The following BARHL1 variants were observed in gnomAD, a reference collection of about 807,000 sequenced individuals.
BARHL1 encodes barH-like 1 homeobox protein.
BARHL1 carries 2 observed loss-of-function variants against 20.1 expected under a neutral mutation model. The observed-to-expected ratio is 0.10, with a 90% confidence interval of 0.04 to 0.31. The LOEUF (loss-of-function observed/expected upper bound fraction) is 0.31. Ranked by LOEUF, BARHL1 falls within the 10% of genes least tolerant of loss-of-function variation. The probability of loss-of-function intolerance (pLI) is 1.00; values close to 1 mark genes in which losing one functional copy is unlikely to be tolerated. For missense variants in BARHL1, 397 were observed against 454.0 expected (o/e 0.87, Z 1.14); for synonymous variants, 213 against 209.9 (o/e 1.01, Z -0.13).
Position 132,587,457 on chromosome 9 carries a change from C to G in BARHL1, c.595C>G (p.Arg199Gly). 6.2e-7 allele frequency: 1 copy of G among 1,612,434 alleles called. No individual in the cohort carries two copies. Among genetic ancestry groups the G allele is most frequent in the Non-Finnish European group, 8.5e-7 (1 of 1,179,622 alleles). The change falls in exon 2 of 3, where the codon CGG becomes GGG. Residue 199 changes from arginine (R) to glycine (G), a missense_variant. By Grantham distance (125) the Arg-to-Gly change is moderately radical. This residue lies in a region of BARHL1 where 272 missense variants were observed against 298.7 expected (regional missense o/e 0.91). Transcript: ENST00000263610. The surrounding 1 kb of genome is among the most constrained non-coding windows in gnomAD (Gnocchi z 5.5). ...QLAQLERSFE[R>G]QKYLSVQDRM... The stretch of plus-strand genomic sequence containing the variant: ...GGCGCAGCTGGAGCGCAGCTTCGAG[C>G]GGCAGAAGTACCTGAGCGTGCAGGA...
At chr9:132,585,103 TCTC>T (rs1472052302) in intron 1 of BARHL1, among the ~76,000 whole-genome samples, 4 of 152,158 alleles carry the variant, frequency 2.6e-5, no homozygotes, top group Admixed American at 6.5e-5. Flanking sequence ...TCAATTTTCT[TCTC>T]CTGTCTCTGA....
At chr9:132,585,187 G>T (rs1830125257) in intron 1 of BARHL1, among the ~76,000 whole-genome samples, 1 of 152,194 alleles carries the variant, frequency 6.6e-6, no homozygotes, top group African/African-American at 2.4e-5. Flanking sequence ...AGCGAAGGGG[G>T]TAGAAGGTCT....
chr9:132,582,692 C>T lies in BARHL1; in HGVS notation c.-106C>T. ...CTCCGTCCAAGGTGCCCGCAGGCTC[C>T]CTGCCCGCCTTCCCCATGCCAGCCC... On this transcript the variant is annotated 5_prime_UTR_variant, in exon 1 of 3. Coordinates refer to ENST00000263610, the MANE Select transcript of BARHL1 (RefSeq NM_020064.4). The T allele has an allele frequency of 9.1e-7, 1 of 1,104,430 alleles. No individual in the cohort carries two copies. The highest frequency in any genetic ancestry group is 1.3e-6 in the Non-Finnish European group (1 of 780,076). 68.4% of individuals were successfully genotyped at this position (1,104,430 alleles called of 1,614,324 possible).
chr9:132,584,759 C>T (rs1391774543), intron 1 of BARHL1, among the ~76,000 whole-genome samples: 2 of 152,152 alleles, frequency 1.3e-5, no homozygotes, highest in Non-Finnish European at 2.9e-5. Flanking sequence ...CAGAGGCATG[C>T]GGGTGTCCCC....
rs1307433961 is a variant in BARHL1, at chr9:132,587,786, G to C, written c.689+235G>C. On this transcript the variant is annotated intron_variant, in intron 2 of 2. Coordinates refer to ENST00000263610, the MANE Select transcript of BARHL1 (RefSeq NM_020064.4). The surrounding 1 kb of genome is among the most constrained non-coding windows in gnomAD (Gnocchi z 5.5). Reference sequence around the variant, plus strand: ...CCAGCGTCCAGTCAGCCCTCCCCCGGATGGGTGGACAGACACATAGGCCAC... The same window carrying C: ...CCAGCGTCCAGTCAGCCCTCCCCCGCATGGGTGGACAGACACATAGGCCAC... 6.6e-6 allele frequency among the ~76,000 whole-genome samples: 1 copy of C among 152,204 alleles called. No homozygotes were observed. Among genetic ancestry groups the C allele is most frequent in the African/African-American group, 2.4e-5 (1 of 41,452 alleles).
rs1391477084 is a variant in BARHL1, at chr9:132,587,813, G to A, written c.689+262G>A. Among the ~76,000 whole-genome samples the A allele has an allele frequency of 6.6e-6, 1 of 152,206 alleles. No homozygotes were observed. The highest frequency in any genetic ancestry group is 2.4e-5 in the African/African-American group (1 of 41,452). ...TGGGTGGACAGACACATAGGCCACT[G>A]AAAATCCAAGTCCTGCCCCAGCTCA... On this transcript the variant is annotated intron_variant, in intron 2 of 2. Coordinates refer to ENST00000263610, the MANE Select transcript of BARHL1 (RefSeq NM_020064.4). This position sits in a 1 kb window ranked among gnomAD's most constrained non-coding sequence, Gnocchi z 5.5.
At position 132,589,477 on chromosome 9, in the gene BARHL1, G is replaced by C. The variant is rs761688225; in HGVS notation, c.939G>C (p.Leu313=). 6.7e-7 allele frequency: 1 copy of C among 1,490,950 alleles called. No individual in the cohort carries two copies. Among genetic ancestry groups the C allele is most frequent in the Non-Finnish European group, 8.9e-7 (1 of 1,124,136 alleles). 92.4% of individuals were successfully genotyped at this position (1,490,950 alleles called of 1,614,324 possible). A position where few individuals can be genotyped will look rare whatever the true frequency, so the allele number is the denominator to read the frequency against. Residue 313 remains leucine (L), a synonymous_variant, in exon 3 of 3, where the codon CTG becomes CTC. Transcript: ENST00000263610. The part of the protein sequence containing the change: ...LQGASEPPPP[L]PPLAGVLPRA... ...GCGCCAGCGAGCCGCCCCCGCCGCT[G>C]CCCCCCCTGGCCGGCGTCCTCCCAC...
intron 2 of BARHL1, among the ~76,000 whole-genome samples, chr9:132,588,866 A>C (rs306523): frequency 0.66 from 99,924 of 151,602 alleles, 34,067 homozygotes; most frequent in African/African-American, 0.85. Flanking sequence ...AGGGAGGAGC[A>C]CCCCCTACCC....
Position 132,587,302 on chromosome 9 carries a change from G to T in BARHL1, c.467-27G>T. The T allele has an allele frequency of 6.4e-7, 1 of 1,568,444 alleles. No individual in the cohort carries two copies. Among genetic ancestry groups the T allele is most frequent in the Non-Finnish European group, 8.6e-7 (1 of 1,158,544 alleles). ...GGCACCGGCGGCGGCTGCGAGGCCG[G>T]GCCCTGACATGCCGCTGTGTCCGCA... On this transcript the variant is annotated intron_variant, in intron 1 of 2. Transcript: ENST00000263610. The surrounding 1 kb of genome is among the most constrained non-coding windows in gnomAD (Gnocchi z 5.5).
chr9:132,582,883 T>C lies in BARHL1; in HGVS notation c.86T>C (p.Leu29Pro), dbSNP rs747838653. 1 of 1,613,070 alleles carries C rather than the reference T, an allele frequency of 6.2e-7. No individual in the cohort carries two copies. Among genetic ancestry groups the C allele is most frequent in the East Asian group, 2.2e-5 (1 of 44,872 alleles). The change falls in exon 1 of 3, where the codon CTC becomes CCC. Residue 29 changes from leucine (L) to proline (P), a missense_variant. By Grantham distance (98) the Leu-to-Pro change is moderately conservative. Coordinates refer to ENST00000263610, the MANE Select transcript of BARHL1 (RefSeq NM_020064.4). ...GCCCTTCCCAAGGGGGACCCCTTGC[T>C]CGGGGACTGCCGTTCGCCCCTGGAG... ...SPALPKGDPL[L>P]GDCRSPLELS...
rs538605352 is a variant in BARHL1, at chr9:132,585,909, G to A, written c.467-1420G>A. Among the ~76,000 whole-genome samples, 215 of 152,380 alleles carry A rather than the reference G, an allele frequency of 1.4e-3. 7 individuals carry two copies. In the South Asian group the frequency reaches 0.042, roughly 30 times the overall value. Reference sequence around the variant, plus strand: ...AAGAGTTCTATGATATCAAGTTTGAGATTTGGATGATCGTTTCCTCAAACT... The same window carrying A: ...AAGAGTTCTATGATATCAAGTTTGAAATTTGGATGATCGTTTCCTCAAACT... On this transcript the variant is annotated intron_variant, in intron 1 of 2. Coordinates refer to ENST00000263610, the MANE Select transcript of BARHL1 (RefSeq NM_020064.4).
Position 132,584,325 on chromosome 9 carries a change from G to A in BARHL1, c.466+1062G>A, listed in dbSNP as rs1830115253. On this transcript the variant is annotated intron_variant, in intron 1 of 2. Coordinates refer to ENST00000263610, the MANE Select transcript of BARHL1 (RefSeq NM_020064.4). Reference sequence around the variant, plus strand: ...GTGAAGAGGAGTATGAGGGCTTCATGGGAGACAGCCCCACGTCCCCATCTA... The same window carrying A: ...GTGAAGAGGAGTATGAGGGCTTCATAGGAGACAGCCCCACGTCCCCATCTA... 2.0e-5 allele frequency among the ~76,000 whole-genome samples: 3 copies of A among 152,182 alleles called. No homozygotes were observed. The South Asian group carries it at 6.2e-4, about 32-fold the overall frequency.
At chr9:132,586,673 T>C (rs1247502009) in intron 1 of BARHL1, among the ~76,000 whole-genome samples, 4 of 152,250 alleles carry the variant, frequency 2.6e-5, no homozygotes, top group African/African-American at 9.6e-5. Flanking sequence ...ATTCTCCCAG[T>C]GCTCGGCGCT....
chr9:132,585,073 C>T (rs1168664033), intron 1 of BARHL1, among the ~76,000 whole-genome samples: 1 of 152,114 alleles, frequency 6.6e-6, no homozygotes, highest in African/African-American at 2.4e-5. Context: ...GGACAGGTTT[C>T]GTTTAAGATA....
chr9:132,585,282 G>A (rs917477455), intron 1 of BARHL1, among the ~76,000 whole-genome samples: 3 of 152,112 alleles, frequency 2.0e-5, no homozygotes, highest in African/African-American at 7.2e-5. Context: ...TGTCTGGAGC[G>A]TTTCTCAAAC....
rs35351645 is a variant in BARHL1 at position 132,583,121 on chromosome 9, C to T, written c.324C>T (p.Leu108=). 586 of 1,613,800 alleles carry T rather than the reference C, an allele frequency of 3.6e-4. 1 individual carries two copies. In the African/African-American group the frequency reaches 7.0e-3, roughly 19 times the overall value. The change falls in exon 1 of 3, where the codon CTC becomes CTT. Residue 108 remains leucine, a synonymous_variant. Coordinates refer to ENST00000263610, the MANE Select transcript of BARHL1 (RefSeq NM_020064.4). ...ACATCCTTGCCGACTGCAAACCACT[C>T]GCGGCCTGTGCACCCTACTCTAGCA... ...IRDILADCKP[L]AACAPYSSSG...
intron 2 of BARHL1, among the ~76,000 whole-genome samples, chr9:132,588,170 C>T (rs1830163717): frequency 6.6e-6 from 1 of 152,148 alleles, no homozygotes; most frequent in African/African-American, 2.4e-5. Flanking sequence ...ATTTCCCTCC[C>T]GAACACACTC....
chr9:132,588,108 C>T (rs1335494348), intron 2 of BARHL1, among the ~76,000 whole-genome samples: 1 of 152,166 alleles, frequency 6.6e-6, no homozygotes. Flanking sequence ...TCCTTGGGGA[C>T]AGGGTGACTG....
rs751962982 is a variant in BARHL1, at chr9:132,589,539, G to A, written c.*17G>A. 17 of 1,284,512 alleles carry A rather than the reference G, an allele frequency of 1.3e-5. No homozygotes were observed. The highest frequency in any genetic ancestry group is 9.4e-5 in the African/African-American group (6 of 64,030). The allele number at this position is 1,284,512 out of a possible 1,614,324, so 79.6% of individuals were successfully genotyped here. A position where few individuals can be genotyped will look rare whatever the true frequency, so the allele number is the denominator to read the frequency against. ...CCTCGGTGAGGCGCCCGTCGGCTCCGGGGCCTCCTCCCGCGGGCTCGGCGT... is the reference window on the plus strand; with the variant it reads ...CCTCGGTGAGGCGCCCGTCGGCTCCAGGGCCTCCTCCCGCGGGCTCGGCGT... On this transcript the variant is annotated 3_prime_UTR_variant, in exon 3 of 3. Transcript: ENST00000263610.
Sources: gnomAD v4.1 joint callset for allele counts (sites outside exome capture counted in the v4.1 genomes callset) on GRCh38, gnomAD v4.1.1 for gene constraint, gnomAD v4.1.1 regional missense constraint, Gnocchi (gnomAD v3.1) non-coding constraint, MANE v1.5 for transcripts, NCBI Gene and HGNC (gene_info 2026-07-23, HGNC 2026-07-21) for gene names.